Variants in ACSS3 observed in about 807,000 individuals in gnomAD.
ACSS3 encodes the protein acyl-CoA synthetase short chain family member 3.
ACSS3 carries 64 observed loss-of-function variants against 84.2 expected under a neutral mutation model. The observed-to-expected ratio is 0.76, with a 90% CI of 0.62 to 0.94. The LOEUF (loss-of-function observed/expected upper bound fraction) is 0.94, where lower values mean the gene tolerates loss of function less well. ACSS3 is among the 40% of genes least tolerant of loss of function. The probability of loss-of-function intolerance (pLI) is 0.00; values close to 1 mark genes in which losing one functional copy is unlikely to be tolerated. For synonymous variants in ACSS3, 317 were observed against 310.1 expected (o/e 1.02, Z -0.23); for missense variants, 815 against 867.6 (o/e 0.94, Z 0.76).
intron 1 of ACSS3, among the ~76,000 whole-genome samples, chr12:81,081,898 G>C (rs1001547577): frequency 2.6e-5 from 4 of 152,126 alleles, no homozygotes; most frequent in Non-Finnish European, 1.5e-5. Flanking sequence ...TTCCTTACTA[G>C]CTGAGATTAA....
chr12:81,133,825 A>G (rs1201892457), intron 2 of ACSS3, among the ~76,000 whole-genome samples: 3 of 152,130 alleles, frequency 2.0e-5, no homozygotes, highest in Non-Finnish European at 4.4e-5. Context: ...TACTTATCTG[A>G]TGTATCTGAA....
chr12:81,130,712 T>A (rs965280770), intron 2 of ACSS3, among the ~76,000 whole-genome samples: 1 of 152,192 alleles, frequency 6.6e-6, no homozygotes, highest in African/African-American at 2.4e-5. Context: ...CATGCCTATG[T>A]CCTGAATGCT....
Position 81,231,074 on chromosome 12 carries a change from G to A in ACSS3, c.1532G>A (p.Gly511Glu). 1.2e-6 allele frequency: 2 copies of A among 1,610,400 alleles called. No homozygotes were observed. The highest frequency in any genetic ancestry group is 1.7e-6 in the Non-Finnish European group (2 of 1,178,048). ...TATATAAGGTTACCATTGCCACCTG[G>A]GGCTTTTTCAGGACTCTGGAAGAAT... is the stretch of plus-strand genomic sequence containing the variant. ...NIVVKLPLPP[G>E]AFSGLWKNQE... The change falls in exon 12 of 16, where the codon GGG becomes GAG. Residue 511 changes from glycine (G) to glutamate (E), a missense_variant. Gly to Glu is a moderately conservative substitution (Grantham distance 98, BLOSUM62 -2). Transcript: ENST00000548058.
chr12:81,188,199 G>T (rs1198514687), intron 8 of ACSS3, among the ~76,000 whole-genome samples: 1 of 151,824 alleles, frequency 6.6e-6, no homozygotes, highest in Non-Finnish European at 1.5e-5. Flanking sequence ...ATCTCTGATA[G>T]GTTAGTAAAT....
intron 2 of ACSS3, among the ~76,000 whole-genome samples, chr12:81,111,223 G>A (rs781014914): frequency 3.3e-5 from 5 of 152,146 alleles, no homozygotes; most frequent in African/African-American, 4.8e-5. Flanking sequence ...GAGTTAAGAA[G>A]AACCCACAAA....
intron 5 of ACSS3, among the ~76,000 whole-genome samples, chr12:81,148,668 C>G (rs568886935): frequency 6.6e-6 from 1 of 151,982 alleles, no homozygotes; most frequent in African/African-American, 2.4e-5. Context: ...TATGACTGAT[C>G]CTACCAAAAG....
chr12:81,099,112 G>A (rs1028000975), intron 1 of ACSS3, among the ~76,000 whole-genome samples: 1 of 152,040 alleles, frequency 6.6e-6, no homozygotes, highest in Admixed American at 6.6e-5. Context: ...ATGAGTTAAT[G>A]AATTTTTTTA....
rs1000031933 is a variant in ACSS3 at position 81,233,564 on chromosome 12, C to T, written c.1719+93C>T. The T allele has an allele frequency of 2.8e-5, 41 of 1,468,216 alleles. No individual in the cohort carries two copies. In the South Asian group the frequency reaches 5.1e-4, roughly 18 times the overall value. The allele number at this position is 1,468,216 out of a possible 1,614,324, so 90.9% of individuals were successfully genotyped here. A position where few individuals can be genotyped will look rare whatever the true frequency, so the allele number is the denominator to read the frequency against. On this transcript the variant is annotated intron_variant, in intron 13 of 15. Transcript: ENST00000548058. ...TGAGGTTATTTCACTTGGAAAATTA[C>T]CACACCCTTCATTTGCAGCAGAGGC...
intron 1 of ACSS3, among the ~76,000 whole-genome samples, chr12:81,101,556 A>G (rs977053725): frequency 2.6e-5 from 4 of 152,136 alleles, no homozygotes; most frequent in Non-Finnish European, 5.9e-5. Flanking sequence ...GTAAAAAGCT[A>G]ATTTTGATCA....
chr12:81,100,227 T>TTG (rs1216280139), intron 1 of ACSS3, among the ~76,000 whole-genome samples: 3 of 150,058 alleles, frequency 2.0e-5, no homozygotes, highest in African/African-American at 4.9e-5. Context: ...TTTTTTTTTT[T>TTG]TTTTTTTTTT....
chr12:81,260,556 C>A lies in ACSS3; in HGVS notation c.*5634C>A, dbSNP rs2035087280. 1 of 152,068 alleles carries A rather than the reference C, an allele frequency of 6.6e-6. No homozygotes were observed. Among genetic ancestry groups the A allele is most frequent in the Non-Finnish European group, 1.5e-5 (1 of 68,018 alleles). 9.4% of individuals were successfully genotyped at this position (152,068 alleles called of 1,614,324 possible). ...ACTTTAAATCATGTCTAATTAGGTG[C>A]CAAATTATATACCATAATTAAAATT... is the stretch of plus-strand genomic sequence containing the variant. On this transcript the variant is annotated 3_prime_UTR_variant, in exon 16 of 16. Coordinates refer to ENST00000548058, the MANE Select transcript of ACSS3 (RefSeq NM_024560.4).
At chr12:81,142,611 T>A (rs1270014199) in intron 4 of ACSS3, among the ~76,000 whole-genome samples, 1 of 152,170 alleles carries the variant, frequency 6.6e-6, no homozygotes, top group Non-Finnish European at 1.5e-5. Context: ...GAAGAATTAA[T>A]GTTTTCTTAT....
chr12:81,110,649 C>G (rs1883497773), intron 2 of ACSS3, among the ~76,000 whole-genome samples: 1 of 152,166 alleles, frequency 6.6e-6, no homozygotes, highest in African/African-American at 2.4e-5. Context: ...CTGCCATGTA[C>G]ATGGCACGAC....
At chr12:81,158,661 C>T (rs1212699441) in intron 7 of ACSS3, among the ~76,000 whole-genome samples, 2 of 152,074 alleles carry the variant, frequency 1.3e-5, no homozygotes, top group African/African-American at 4.8e-5. Context: ...CTCCTGTTTC[C>T]CTGCAGTTAT....
intron 9 of ACSS3, among the ~76,000 whole-genome samples, chr12:81,212,091 T>A (rs1220570267): frequency 1.3e-5 from 2 of 152,210 alleles, no homozygotes; most frequent in African/African-American, 4.8e-5. Flanking sequence ...TCTTGTTCAA[T>A]ACAAAATTGA....
chr12:81,173,120 G>A (rs2030203730), intron 7 of ACSS3, among the ~76,000 whole-genome samples: 1 of 152,202 alleles, frequency 6.6e-6, no homozygotes. Flanking sequence ...TCAAGGAACT[G>A]ATCAGTGCCT....
In ACSS3 at chr12:81,255,815, A is replaced by G. The variant is rs2034277753; in HGVS notation, c.*893A>G. On this transcript the variant is annotated 3_prime_UTR_variant, in exon 16 of 16. Coordinates refer to ENST00000548058, the MANE Select transcript of ACSS3 (RefSeq NM_024560.4). ...CATCTCAAAACAACAAAAACAACAA[A>G]AAAACCACATGCCTGGCGGAGAACA... 1 of 152,218 alleles carries G rather than the reference A, an allele frequency of 6.6e-6. No individual in the cohort carries two copies. The highest frequency in any genetic ancestry group is 1.5e-5 in the Non-Finnish European group (1 of 68,152). 9.4% of individuals were successfully genotyped at this position (152,218 alleles called of 1,614,324 possible).
At chr12:81,253,222 T>G (rs994893524) in intron 13 of ACSS3, 85 bp from the exon 14 acceptor site, 1 of 1,384,040 alleles carries the variant, frequency 7.2e-7, no homozygotes, top group South Asian at 1.2e-5. Context: ...TGTTTGTATA[T>G]CTATATCTGT....
chr12:81,116,333 C>G, intron 2 of ACSS3, among the ~76,000 whole-genome samples: 1 of 151,996 alleles, frequency 6.6e-6, no homozygotes, highest in Non-Finnish European at 1.5e-5. Context: ...GATGAAACAA[C>G]AGTTTAGTAT....
Sources: gnomAD v4.1 joint callset for allele counts (sites outside exome capture counted in the v4.1 genomes callset) on GRCh38, gnomAD v4.1.1 for gene constraint, MANE v1.5 for transcripts, NCBI Gene and HGNC (gene_info 2026-07-23, HGNC 2026-07-21) for gene names.